CHODL: variants seen among roughly 807,000 people sequenced by gnomAD.
CHODL encodes chondrolectin, also known as transmembrane protein MT75.
Under a neutral mutation model 34.5 loss-of-function variants are expected in CHODL, and 29 were observed. The observed-to-expected ratio is 0.84, with a 90% CI of 0.63 to 1.15. The LOEUF is 1.15. CHODL is among the 50% of genes most tolerant of loss of function. The probability of loss-of-function intolerance (pLI) is 0.00; values close to 1 mark genes in which losing one functional copy is unlikely to be tolerated. For synonymous variants in CHODL, 125 were observed against 116.1 expected (o/e 1.08, Z -0.49); for missense variants, 332 against 332.5 (o/e 1.00, Z 0.01).
chr21:18,073,913 A>G (rs928091108), intron 2 of CHODL, among the ~76,000 whole-genome samples: 3 of 152,136 alleles, frequency 2.0e-5, no homozygotes, highest in African/African-American at 7.2e-5. Context: ...CTTTATTTTT[A>G]AAAAACAGTT....
chr21:18,247,374 A>G lies in CHODL; in HGVS notation c.79+2072A>G, dbSNP rs548990446. On this transcript the variant is annotated intron_variant, in intron 1 of 5. Coordinates refer to ENST00000299295, the MANE Select transcript of CHODL (RefSeq NM_024944.3). ...TTCAGTACAACAATTTATAATTTCT[A>G]TGTAGGATACTCAAATAATCACTGA... Among the ~76,000 whole-genome samples, 12 of 152,310 alleles carry G rather than the reference A, an allele frequency of 7.9e-5. No individual in the cohort carries two copies. The East Asian group carries it at 1.9e-3, about 24-fold the overall frequency.
intron 1 of CHODL, among the ~76,000 whole-genome samples, chr21:17,972,789 C>A (rs1568823991): frequency 6.6e-6 from 1 of 152,186 alleles, no homozygotes; most frequent in Non-Finnish European, 1.5e-5. Context: ...TTAGAAAAAA[C>A]TACTTCAAAT....
At chr21:18,179,134 C>A (rs1295254951) in intron 2 of CHODL, among the ~76,000 whole-genome samples, 1 of 152,084 alleles carries the variant, frequency 6.6e-6, no homozygotes, top group African/African-American at 2.4e-5. Context: ...AACTTGAGGC[C>A]TCAAGTTGAA....
At chr21:18,006,877 G>T (rs2063965832) in intron 1 of CHODL, among the ~76,000 whole-genome samples, 1 of 152,186 alleles carries the variant, frequency 6.6e-6, no homozygotes, top group South Asian at 2.1e-4. Flanking sequence ...TAAGCAGCTT[G>T]GTGCCTTCAG....
chr21:18,162,477 G>T (rs2073108252), intron 2 of CHODL, among the ~76,000 whole-genome samples: 1 of 151,500 alleles, frequency 6.6e-6, no homozygotes, highest in African/African-American at 2.4e-5. Context: ...AAGTGTGTGT[G>T]TCTGTGTCTG....
intron 2 of CHODL, among the ~76,000 whole-genome samples, chr21:18,052,997 C>T (rs2146471531): frequency 6.6e-6 from 1 of 151,946 alleles, no homozygotes; most frequent in Non-Finnish European, 1.5e-5. Flanking sequence ...TTTAATTTCT[C>T]ATTAGGTACA....
intron 2 of CHODL, among the ~76,000 whole-genome samples, chr21:18,057,871 T>A (rs540860798): frequency 6.6e-6 from 1 of 152,102 alleles, no homozygotes; most frequent in Non-Finnish European, 1.5e-5. Flanking sequence ...TACATATTCA[T>A]GGAGTACAAA....
intron 1 of CHODL, among the ~76,000 whole-genome samples, chr21:18,252,052 C>A (rs2074263513): frequency 6.6e-6 from 1 of 151,894 alleles, no homozygotes; most frequent in African/African-American, 2.4e-5. Flanking sequence ...TTTATTTTCT[C>A]AATATGTTTG....
At chr21:18,120,335 A>G (rs2065464649) in intron 2 of CHODL, among the ~76,000 whole-genome samples, 1 of 152,192 alleles carries the variant, frequency 6.6e-6, no homozygotes, top group Non-Finnish European at 1.5e-5. Flanking sequence ...CTCGAGTTGA[A>G]CTGGGAAATT....
chr21:18,016,692 G>A (rs965374603), intron 1 of CHODL, among the ~76,000 whole-genome samples: 2 of 152,194 alleles, frequency 1.3e-5, no homozygotes, highest in Non-Finnish European at 2.9e-5. Context: ...TCAGAACCCA[G>A]GATGGTAGAT....
chr21:18,195,593 G>A (rs1411390583), intron 2 of CHODL, among the ~76,000 whole-genome samples: 4 of 152,072 alleles, frequency 2.6e-5, no homozygotes, highest in Non-Finnish European at 4.4e-5. Context: ...ATTCCACTTA[G>A]CATAATGTCC....
chr21:18,053,585 T>C (rs1043595414), intron 2 of CHODL, among the ~76,000 whole-genome samples: 6 of 151,936 alleles, frequency 3.9e-5, no homozygotes, highest in Non-Finnish European at 7.4e-5. Flanking sequence ...TCAAGTAGTC[T>C]TACAAAGGTA....
intron 2 of CHODL, among the ~76,000 whole-genome samples, chr21:18,044,113 A>C (rs1208333672): frequency 6.6e-6 from 1 of 152,014 alleles, no homozygotes; most frequent in Non-Finnish European, 1.5e-5. Context: ...TCTTCAGTAA[A>C]CTGAAGGTAG....
At chr21:17,949,335 C>G (rs141849017) in intron 1 of CHODL, among the ~76,000 whole-genome samples, 2 of 152,252 alleles carry the variant, frequency 1.3e-5, no homozygotes, top group East Asian at 3.9e-4. Flanking sequence ...CTAATTATGT[C>G]ACATTCTTGG....
intron 1 of CHODL, among the ~76,000 whole-genome samples, chr21:18,018,272 G>A (rs1295515588): frequency 6.6e-6 from 1 of 152,172 alleles, no homozygotes; most frequent in Non-Finnish European, 1.5e-5. Context: ...GTGTGAGAAG[G>A]ATATGATTTT....
chr21:17,960,225 G>T (rs1055653049), intron 1 of CHODL, among the ~76,000 whole-genome samples: 1 of 152,032 alleles, frequency 6.6e-6, no homozygotes, highest in African/African-American at 2.4e-5. Context: ...GAGTATTTTC[G>T]GCAAGTTGAC....
intron 2 of CHODL, among the ~76,000 whole-genome samples, chr21:18,176,354 C>CT (rs957657415): frequency 2.6e-5 from 4 of 152,146 alleles, no homozygotes; most frequent in African/African-American, 9.7e-5. Context: ...AAATCAAAGG[C>CT]TAGAGCCTCT....
At chr21:18,249,859 G>A (rs1364743720) in intron 1 of CHODL, among the ~76,000 whole-genome samples, 5 of 152,138 alleles carry the variant, frequency 3.3e-5, no homozygotes, top group Non-Finnish European at 1.5e-5. Context: ...TGCAGATTGT[G>A]CACTGTGTCG....
At chr21:18,251,732 TTTTA>T (rs1470084790) in intron 1 of CHODL, among the ~76,000 whole-genome samples, 3 of 103,610 alleles carry the variant, frequency 2.9e-5, no homozygotes, top group Non-Finnish European at 3.7e-5. Context: ...TAAATATTTA[TTTTA>T]TTTATTTTAT....
Sources: gnomAD v4.1 joint callset for allele counts (sites outside exome capture counted in the v4.1 genomes callset) on GRCh38, gnomAD v4.1.1 for gene constraint, MANE v1.5 for transcripts, NCBI Gene and HGNC (gene_info 2026-07-23, HGNC 2026-07-21) for gene names.